The following RIPOR3 variants were observed in gnomAD, a reference collection of about 807,000 sequenced individuals.
RIPOR3 encodes the protein family with sequence similarity 65 member C.
In RIPOR3, 95 loss-of-function variants were observed where a neutral mutation model predicts 114.3. The ratio of observed to expected loss-of-function variants is 0.83; its 90% CI spans 0.70 to 0.99. The LOEUF (loss-of-function observed/expected upper bound fraction) is 0.99, where lower values mean the gene tolerates loss of function less well. Among genes scored for constraint, RIPOR3 ranks in the 50% least tolerant of loss-of-function variants. RIPOR3 has a pLI of 0.00. For missense variants in RIPOR3, 1,252 were observed against 1,266.9 expected, an observed-to-expected ratio of 0.99 and a Z score of 0.18; for synonymous variants, 575 against 543.8, an observed-to-expected ratio of 1.06 and a Z score of -0.80.
chr20:50,633,089 C>T (rs1238330230), intron 1 of RIPOR3, among the ~76,000 whole-genome samples: 2 of 152,124 alleles, frequency 1.3e-5, no homozygotes, highest in Non-Finnish European at 2.9e-5. Flanking sequence ...CATGGTGAAG[C>T]CCCGTCTACT....
In RIPOR3 at chr20:50,587,898, C is replaced by A; in HGVS notation, c.2662-6G>T. 2 of 1,613,874 alleles carry A rather than the reference C, an allele frequency of 1.2e-6. No individual in the cohort carries two copies. Among genetic ancestry groups the A allele is most frequent in the South Asian group, 2.2e-5 (2 of 91,024 alleles). ...TGGTCGATGCTTTCAATGCCCTGTT[C>A]GAGATTAGGAGAAAAAGAACCCTTT... On this transcript the variant is annotated splice_region_variant and splice_polypyrimidine_tract_variant and intron_variant, in intron 20 of 21. Transcript: ENST00000327979.
At chr20:50,636,303 A>C (rs2084983674) in intron 1 of RIPOR3, among the ~76,000 whole-genome samples, 1 of 152,228 alleles carries the variant, frequency 6.6e-6, no homozygotes, top group Non-Finnish European at 1.5e-5. Flanking sequence ...ATGGCACAGC[A>C]GCAAATGGAG....
At chr20:50,630,627 G>T in intron 2 of RIPOR3, 111 bp downstream of exon 2, 2 of 875,482 alleles carry the variant, frequency 2.3e-6, no homozygotes, top group Non-Finnish European at 3.5e-6. Flanking sequence ...AAGCCGGCCT[G>T]AGAGTGGGCC....
At chr20:50,670,724 C>T (rs1392812796) in intron 1 of RIPOR3, among the ~76,000 whole-genome samples, 1 of 152,090 alleles carries the variant, frequency 6.6e-6, no homozygotes. Flanking sequence ...AAATTCCAAC[C>T]CTGCGTGGCA....
intron 1 of RIPOR3, among the ~76,000 whole-genome samples, chr20:50,664,588 G>A (rs761847351): frequency 5.9e-5 from 9 of 152,178 alleles, no homozygotes; most frequent in Non-Finnish European, 7.3e-5. Context: ...CTGAGTTCCC[G>A]TGTGACATTG....
intron 1 of RIPOR3, among the ~76,000 whole-genome samples, chr20:50,678,727 G>A (rs375101797): frequency 9.9e-5 from 15 of 152,092 alleles, no homozygotes; most frequent in African/African-American, 2.2e-4. Flanking sequence ...AAAAGCTGGC[G>A]TTGACACAGG....
chr20:50,597,398 C>A (rs768380453), intron 14 of RIPOR3, 182 bp downstream of exon 14: 5 of 870,136 alleles, frequency 5.7e-6, no homozygotes, highest in Non-Finnish European at 8.6e-6. Flanking sequence ...CTCTGAGGAC[C>A]GGCTCTGAGG....
chr20:50,667,650 A>T (rs2086302251), intron 1 of RIPOR3, among the ~76,000 whole-genome samples: 1 of 152,204 alleles, frequency 6.6e-6, no homozygotes, highest in Non-Finnish European at 1.5e-5. Context: ...CGGCCCCTGC[A>T]TAGAGAGGGG....
At chr20:50,655,297 C>T (rs575672122) in intron 1 of RIPOR3, among the ~76,000 whole-genome samples, 2 of 152,290 alleles carry the variant, frequency 1.3e-5, no homozygotes, top group East Asian at 3.9e-4. Flanking sequence ...TGACAAACCC[C>T]CAGAAGTTGT....
Position 50,592,404 on chromosome 20 carries a change from C to T in RIPOR3, c.2517G>A (p.Val839=), listed in dbSNP as rs748000326. Residue 839 remains valine, a synonymous_variant, in exon 19 of 22, where the codon GTG becomes GTA. Coordinates refer to ENST00000327979, the MANE Select transcript of RIPOR3 (RefSeq NM_001290268.2). Reference sequence around the variant, plus strand: ...CCAGGCGAGCGCTGGCCGCCCTGCACACCCTCGGAGTGCCGTCCAGCTGGA... The same window carrying T: ...CCAGGCGAGCGCTGGCCGCCCTGCATACCCTCGGAGTGCCGTCCAGCTGGA... ...ALLQLDGTPR[V]CRAASARLAG... 1.2e-6 allele frequency: 2 copies of T among 1,610,418 alleles called. No individual in the cohort carries two copies. The highest frequency in any genetic ancestry group is 1.7e-5 in the Admixed American group (1 of 59,888).
intron 13 of RIPOR3, among the ~76,000 whole-genome samples, chr20:50,599,266 C>A (rs2083411644): frequency 6.6e-6 from 1 of 152,062 alleles, no homozygotes; most frequent in Non-Finnish European, 1.5e-5. Context: ...ATGGTACGTG[C>A]CTGTAACCCC....
intron 4 of RIPOR3, among the ~76,000 whole-genome samples, chr20:50,613,759 G>T (rs953853239): frequency 2.6e-5 from 4 of 152,168 alleles, no homozygotes; most frequent in Non-Finnish European, 5.9e-5. Context: ...AAGTCCACGG[G>T]GTGAGACTCA....
At chr20:50,634,032 C>T (rs1268024523) in intron 1 of RIPOR3, among the ~76,000 whole-genome samples, 9 of 143,798 alleles carry the variant, frequency 6.3e-5, no homozygotes, top group Admixed American at 2.2e-4. Context: ...CCCAGGCTGG[C>T]GTGCAGTGAC....
intron 1 of RIPOR3, among the ~76,000 whole-genome samples, chr20:50,646,056 G>A (rs2085389804): frequency 6.6e-6 from 1 of 152,186 alleles, no homozygotes; most frequent in Admixed American, 6.5e-5. Context: ...ATGCAGGGAG[G>A]CAGAAAAGTC....
Position 50,616,040 on chromosome 20 carries a change from A to C in RIPOR3, c.310T>G (p.Ser104Ala), listed in dbSNP as rs1457937953. Reference protein sequence around the residue: ...CVQQAELDHLSGRHKDTRRNS... With the variant: ...CVQQAELDHLAGRHKDTRRNS... ...CTCCTGGTGTCTTTGTGGCGTCCAG[A>C]CAGGTGGTCCAGCTCAGCCTGCTGC... Residue 104 changes from serine to alanine, a missense_variant, in exon 4 of 22, where the codon TCT (serine) becomes GCT (alanine). By Grantham distance (99) the Ser-to-Ala change is moderately conservative. Coordinates refer to ENST00000327979, the MANE Select transcript of RIPOR3 (RefSeq NM_001290268.2). The C allele has an allele frequency of 1.9e-6, 3 of 1,611,762 alleles. No individual in the cohort carries two copies. The highest frequency in any genetic ancestry group is 2.5e-6 in the Non-Finnish European group (3 of 1,179,224).
chr20:50,634,220 G>T (rs541461997), intron 1 of RIPOR3, among the ~76,000 whole-genome samples: 1 of 151,990 alleles, frequency 6.6e-6, no homozygotes, highest in East Asian at 1.9e-4. Context: ...GAGCTCAAGC[G>T]ATCCACCCAC....
chr20:50,660,758 T>C (rs1600707951), intron 1 of RIPOR3, among the ~76,000 whole-genome samples: 1 of 144,482 alleles, frequency 6.9e-6, no homozygotes, highest in South Asian at 2.3e-4. Flanking sequence ...CCTTTTTTTT[T>C]TTTTTTTTTT....
At chr20:50,680,660 C>A (rs1209422365) in intron 1 of RIPOR3, among the ~76,000 whole-genome samples, 1 of 152,252 alleles carries the variant, frequency 6.6e-6, no homozygotes, top group Non-Finnish European at 1.5e-5. Context: ...ACCAGAGCAG[C>A]CTCTTACGCA....
chr20:50,605,991 G>A (rs947671940), intron 11 of RIPOR3, among the ~76,000 whole-genome samples: 1 of 151,380 alleles, frequency 6.6e-6, no homozygotes, highest in Admixed American at 6.6e-5. Flanking sequence ...ATCGCCTGAG[G>A]TCAGGAGTTC....
Sources: gnomAD v4.1 joint callset for allele counts (sites outside exome capture counted in the v4.1 genomes callset) on GRCh38, gnomAD v4.1.1 for gene constraint, MANE v1.5 for transcripts, NCBI Gene and HGNC (gene_info 2026-07-23, HGNC 2026-07-21) for gene names.